Variants in GALNT14 observed in about 807,000 individuals in gnomAD.
The protein encoded by GALNT14 is UDP-GalNAc:polypeptide N-acetylgalactosaminyltransferase 14.
A neutral mutation model predicts 77.5 loss-of-function variants in GALNT14; 60 were observed. The observed-to-expected ratio is 0.77, with a 90% confidence interval of 0.63 to 0.96. The LOEUF is 0.96. Among genes scored for constraint, GALNT14 ranks in the 40% least tolerant of loss-of-function variants. The pLI is 0.00. For missense variants in GALNT14, 710 were observed against 731.0 expected (o/e 0.97, Z 0.33); for synonymous variants, 280 against 281.7 (o/e 0.99, Z 0.06).
At chr2:31,127,151 G>A (rs1678743378) in intron 1 of GALNT14, among the ~76,000 whole-genome samples, 1 of 152,158 alleles carries the variant, frequency 6.6e-6, no homozygotes, top group African/African-American at 2.4e-5. Context: ...TCAAGAAACT[G>A]AACAGTGCCA....
At chr2:31,021,452 C>G (rs1671712453) in intron 1 of GALNT14, among the ~76,000 whole-genome samples, 1 of 151,832 alleles carries the variant, frequency 6.6e-6, no homozygotes, top group African/African-American at 2.4e-5. Flanking sequence ...TTACAGGCGC[C>G]CACCACGACA....
At chr2:30,980,820 G>A (rs1377498791) in intron 2 of GALNT14, among the ~76,000 whole-genome samples, 8 of 152,212 alleles carry the variant, frequency 5.3e-5, no homozygotes, top group African/African-American at 9.6e-5. Flanking sequence ...GGTGGCTCAC[G>A]CCTGTAATCC....
intron 1 of GALNT14, chr2:31,114,825 C>T (rs1170379272): frequency 2.8e-6 from 2 of 717,166 alleles, no homozygotes; most frequent in Non-Finnish European, 5.2e-6. Flanking sequence ...GCAAGGTGTC[C>T]TCCTAAGTCC....
chr2:30,889,836 T>A, the GALNT14 span, among the ~76,000 whole-genome samples: 1 of 152,248 alleles, frequency 6.6e-6, no homozygotes, highest in Non-Finnish European at 1.5e-5. Context: ...ATGGCTGTTT[T>A]CTATAATTTT....
Position 31,138,192 on chromosome 2 carries a change from C to T in GALNT14, c.-106G>A. 1 of 1,428,088 alleles carries T rather than the reference C, an allele frequency of 7.0e-7. No individual in the cohort carries two copies. Among genetic ancestry groups the T allele is most frequent in the Non-Finnish European group, 9.6e-7 (1 of 1,041,040 alleles). 88.5% of individuals were successfully genotyped at this position (1,428,088 alleles called of 1,614,324 possible). ...CTGGCGAGCGCCTCGCTCTGGGGAG[C>T]TCTAGACCCAGGATCCGGTTGGAGG... is the stretch of plus-strand genomic sequence containing the variant. On this transcript the variant is annotated 5_prime_UTR_variant, in exon 1 of 15. Coordinates refer to ENST00000349752, the MANE Select transcript of GALNT14 (RefSeq NM_024572.4).
At chr2:31,081,767 T>A (rs1186623624) in intron 1 of GALNT14, among the ~76,000 whole-genome samples, 1 of 152,156 alleles carries the variant, frequency 6.6e-6, no homozygotes, top group Admixed American at 6.5e-5. Context: ...TCTATCTCTG[T>A]CAGAGTTGTG....
intron 1 of GALNT14, among the ~76,000 whole-genome samples, chr2:31,037,567 T>C (rs189709041): frequency 6.6e-6 from 1 of 152,314 alleles, no homozygotes; most frequent in Admixed American, 6.5e-5. Flanking sequence ...CTTTTGCATA[T>C]CTCTTAATCT....
At chr2:30,893,773 T>TA in the GALNT14 span, among the ~76,000 whole-genome samples, 12,391 of 144,968 alleles carry the variant, frequency 0.085, 720 homozygotes, top group East Asian at 0.34. Context: ...TTACCTTGAT[T>TA]AAAAAAAAAA....
At chr2:30,912,634 C>T (rs903189387) in intron 13 of GALNT14, among the ~76,000 whole-genome samples, 2 of 152,216 alleles carry the variant, frequency 1.3e-5, no homozygotes, top group African/African-American at 4.8e-5. Flanking sequence ...GTCTGAACAA[C>T]AACCCCAGCT....
chr2:31,053,967 G>A (rs951380633), intron 1 of GALNT14, among the ~76,000 whole-genome samples: 18 of 152,212 alleles, frequency 1.2e-4, no homozygotes, highest in Admixed American at 1.3e-4. Context: ...CAATAGTGTA[G>A]TTAGGCAAAA....
intron 11 of GALNT14, among the ~76,000 whole-genome samples, chr2:30,926,142 T>A (rs549828890): frequency 2.0e-5 from 3 of 152,176 alleles, no homozygotes; most frequent in Admixed American, 2.0e-4. Context: ...CTAAGCTCCA[T>A]CAGGATGGGA....
chr2:31,046,427 A>C lies in GALNT14; in HGVS notation c.130-53420T>G, dbSNP rs1338719899. On this transcript the variant is annotated intron_variant, in intron 1 of 14. Transcript: ENST00000349752. The stretch of plus-strand genomic sequence containing the variant: ...GTATTTTTAGTAGAGACGGGGTTTC[A>C]CTATGTTAGCCAGGATGGTCTCGAT... Among the ~76,000 whole-genome samples the C allele has an allele frequency of 2.0e-5, 3 of 152,048 alleles. No homozygotes were observed. The East Asian group carries it at 5.8e-4, about 29-fold the overall frequency.
At chr2:30,991,756 TGTTTAGAAGACAAG>T (rs567216970) in intron 2 of GALNT14, among the ~76,000 whole-genome samples, 10 of 152,322 alleles carry the variant, frequency 6.6e-5, no homozygotes, top group African/African-American at 2.4e-4. Flanking sequence ...GCATACATGC[TGTTTAGAAGACAAG>T]GTTTCCAAGT....
intron 1 of GALNT14, among the ~76,000 whole-genome samples, chr2:31,039,893 A>G (rs1672998819): frequency 6.6e-6 from 1 of 152,220 alleles, no homozygotes; most frequent in East Asian, 1.9e-4. Context: ...AAATGTATTC[A>G]GAGCCAAGTA....
At chr2:31,112,001 T>C (rs1677864162) in intron 1 of GALNT14, among the ~76,000 whole-genome samples, 2 of 152,102 alleles carry the variant, frequency 1.3e-5, no homozygotes, top group South Asian at 4.1e-4. Context: ...CTTGCTTTTT[T>C]TTTTTTTTTT....
At chr2:31,035,525 C>T (rs965751842) in intron 1 of GALNT14, among the ~76,000 whole-genome samples, 6 of 148,950 alleles carry the variant, frequency 4.0e-5, no homozygotes, top group Non-Finnish European at 7.4e-5. Flanking sequence ...TCAATCAATT[C>T]CCATCAATGG....
chr2:30,966,355 TG>T, intron 2 of GALNT14, 53 bp from the exon 3 acceptor site: 4 of 1,376,420 alleles, frequency 2.9e-6, no homozygotes, highest in Non-Finnish European at 4.1e-6. Flanking sequence ...AAAGCATATC[TG>T]GAGGGCTAGA....
chr2:30,966,239 GT>G lies in GALNT14; in HGVS notation c.362del (p.Asn121ThrfsTer15). 6.2e-7 allele frequency: 1 copy of G among 1,614,030 alleles called. No individual in the cohort carries two copies. The highest frequency in any genetic ancestry group is 1.3e-5 in the African/African-American group (1 of 75,038). On this transcript the variant is annotated frameshift_variant, in exon 3 of 15. Coordinates refer to ENST00000349752, the MANE Select transcript of GALNT14 (RefSeq NM_024572.4). LOFTEE classifies it high-confidence loss of function. ...PPTSIIITFH[N>X]EARSTLLRTI... Reference sequence around the variant, plus strand: ...TCCTGAGCAGCGTGGAGCGGGCCTCGTTGTGGAAGGTGATGATGATGCTAGT... The same window carrying G: ...TCCTGAGCAGCGTGGAGCGGGCCTCGTGTGGAAGGTGATGATGATGCTAGT...
intron 1 of GALNT14, among the ~76,000 whole-genome samples, chr2:31,115,651 G>A (rs556956311): frequency 6.6e-6 from 1 of 152,292 alleles, no homozygotes; most frequent in East Asian, 1.9e-4. Context: ...TCTCAGCAAA[G>A]CCCAGTAATT....
Sources: allele counts gnomAD v4.1 joint callset (sites outside exome capture counted in the v4.1 genomes callset), GRCh38; gene constraint gnomAD v4.1.1; transcripts MANE v1.5; gene names NCBI Gene and HGNC (gene_info 2026-07-23, HGNC 2026-07-21).